KCNJ6: variants seen among roughly 807,000 people sequenced by gnomAD.
KCNJ6 encodes G protein-activated inward rectifier potassium channel 2.
KCNJ6 carries 9 observed loss-of-function variants against 34.2 expected under a neutral mutation model. The observed-to-expected ratio is 0.26, with a 90% CI of 0.16 to 0.46. KCNJ6 has a LOEUF of 0.46. Among genes scored for constraint, KCNJ6 ranks in the 20% least tolerant of loss-of-function variants. The pLI is 1.00. For missense variants in KCNJ6, 236 were observed against 531.3 expected (o/e 0.44, Z 5.46); for synonymous variants, 196 against 207.1 (o/e 0.95, Z 0.46).
intron 3 of KCNJ6, among the ~76,000 whole-genome samples, chr21:37,667,869 C>T (rs1488677126): frequency 6.6e-6 from 1 of 152,054 alleles, no homozygotes; most frequent in African/African-American, 2.4e-5. Context: ...TGCAGTTGGG[C>T]CAGAGCCTAC....
At chr21:37,742,937 C>T (rs2054948408) in intron 2 of KCNJ6, among the ~76,000 whole-genome samples, 1 of 152,234 alleles carries the variant, frequency 6.6e-6, no homozygotes, top group Admixed American at 6.5e-5. Context: ...CTCCTTCCTG[C>T]AGATGTGTGC....
chr21:37,720,694 TTTC>T (rs1395419410), intron 2 of KCNJ6, among the ~76,000 whole-genome samples: 8 of 113,884 alleles, frequency 7.0e-5, no homozygotes, highest in Non-Finnish European at 1.0e-4. Flanking sequence ...GAGAAAACAT[TTTC>T]TTTTCTTTTT....
intron 1 of KCNJ6, among the ~76,000 whole-genome samples, chr21:37,844,202 G>A (rs1033108624): frequency 6.6e-6 from 1 of 152,022 alleles, no homozygotes; most frequent in Non-Finnish European, 1.5e-5. Flanking sequence ...GGGATTACAG[G>A]TGCACACCAA....
At position 37,621,898 on chromosome 21, in the gene KCNJ6, C is replaced by G. The variant is rs1386075277; in HGVS notation, c.*3261G>C. On this transcript the variant is annotated 3_prime_UTR_variant, in exon 4 of 4. Coordinates refer to ENST00000609713, the MANE Select transcript of KCNJ6 (RefSeq NM_002240.5). ...AAAAGAGTATAGCTTACCCAGGGGA[C>G]AGCTAAAACAGAAATGATTTTATTG... The G allele has an allele frequency of 6.6e-6, 1 of 152,142 alleles. No homozygotes were observed. Among genetic ancestry groups the G allele is most frequent in the Non-Finnish European group, 1.5e-5 (1 of 68,032 alleles). The allele number at this position is 152,142 out of a possible 1,614,324, so 9.4% of individuals were successfully genotyped here.
At chr21:37,730,157 T>G (rs1362805866) in intron 2 of KCNJ6, among the ~76,000 whole-genome samples, 2 of 152,032 alleles carry the variant, frequency 1.3e-5, no homozygotes, top group Admixed American at 1.3e-4. Flanking sequence ...GTGTGGAGCT[T>G]GGAGACAGCC....
Position 37,611,856 on chromosome 21 carries a change from C to G in KCNJ6, c.*13303G>C, listed in dbSNP as rs1012984858. On this transcript the variant is annotated 3_prime_UTR_variant, in exon 4 of 4. Coordinates refer to ENST00000609713, the MANE Select transcript of KCNJ6 (RefSeq NM_002240.5). Reference sequence around the variant, plus strand: ...GATAAACAATATCTAAAAAAAAAACCTTACAGCTAACATCATACTAAATGG... The same window carrying G: ...GATAAACAATATCTAAAAAAAAAACGTTACAGCTAACATCATACTAAATGG... The G allele has an allele frequency of 6.6e-6, 1 of 151,842 alleles. No homozygotes were observed. Among genetic ancestry groups the G allele is most frequent in the Non-Finnish European group, 1.5e-5 (1 of 67,912 alleles). The allele number at this position is 151,842 out of a possible 1,614,324, so 9.4% of individuals were successfully genotyped here. A position where few individuals can be genotyped will look rare whatever the true frequency, so the allele number is the denominator to read the frequency against.
chr21:37,854,031 AAAAC>A (rs1398721963), intron 1 of KCNJ6, among the ~76,000 whole-genome samples: 1 of 151,460 alleles, frequency 6.6e-6, no homozygotes, highest in African/African-American at 2.4e-5. Flanking sequence ...AGAGAATCAC[AAAAC>A]AAAAAACAAA....
intron 3 of KCNJ6, among the ~76,000 whole-genome samples, chr21:37,663,516 A>G (rs955555701): frequency 6.6e-6 from 1 of 152,208 alleles, no homozygotes; most frequent in African/African-American, 2.4e-5. Flanking sequence ...CCCCAAACAA[A>G]AGGGCATAGA....
intron 3 of KCNJ6, among the ~76,000 whole-genome samples, chr21:37,697,190 G>A (rs1270759008): frequency 6.6e-6 from 1 of 152,204 alleles, no homozygotes; most frequent in Admixed American, 6.5e-5. Context: ...CTGGAGAAAT[G>A]TCATTGACAT....
chr21:37,903,753 C>T (rs951242855), intron 1 of KCNJ6, among the ~76,000 whole-genome samples: 6 of 150,968 alleles, frequency 4.0e-5, no homozygotes, highest in Non-Finnish European at 7.4e-5. Flanking sequence ...CAAAAAAAAA[C>T]GAAGAAGCAA....
chr21:37,778,958 C>T (rs754072581), intron 2 of KCNJ6, among the ~76,000 whole-genome samples: 2 of 152,086 alleles, frequency 1.3e-5, no homozygotes, highest in Admixed American at 6.6e-5. Flanking sequence ...TCGGAATGCA[C>T]GTGAACGGGC....
At chr21:37,898,636 A>G (rs543128901) in intron 1 of KCNJ6, among the ~76,000 whole-genome samples, 77 of 152,242 alleles carry the variant, frequency 5.1e-4, no homozygotes, top group African/African-American at 1.8e-3. Context: ...GTAATGTGTT[A>G]CTGTTCTATT....
chr21:37,797,952 A>G (rs1319743131), intron 2 of KCNJ6, among the ~76,000 whole-genome samples: 1 of 152,190 alleles, frequency 6.6e-6, no homozygotes, highest in Admixed American at 6.5e-5. Context: ...GGACTTATTA[A>G]CAATCCTCCA....
At chr21:37,689,949 A>AC (rs2054632085) in intron 3 of KCNJ6, among the ~76,000 whole-genome samples, 1 of 151,854 alleles carries the variant, frequency 6.6e-6, no homozygotes, top group African/African-American at 2.4e-5. Flanking sequence ...TCCATTAATG[A>AC]CCCCCACTCC....
intron 1 of KCNJ6, among the ~76,000 whole-genome samples, chr21:37,888,094 A>G (rs1011362387): frequency 6.6e-6 from 1 of 152,220 alleles, no homozygotes; most frequent in African/African-American, 2.4e-5. Context: ...TCTCCATGAC[A>G]GGCCCATGAA....
At chr21:37,703,963 C>A (rs1026307194) in intron 3 of KCNJ6, among the ~76,000 whole-genome samples, 1 of 152,256 alleles carries the variant, frequency 6.6e-6, no homozygotes, top group African/African-American at 2.4e-5. Context: ...TGGAACCCAG[C>A]CCCGCCTTGC....
Position 37,714,357 on chromosome 21 carries a change from C to G in KCNJ6, c.800G>C (p.Gly267Ala). The G allele has an allele frequency of 6.2e-7, 1 of 1,614,120 alleles. No individual in the cohort carries two copies. The highest frequency in any genetic ancestry group is 8.5e-7 in the Non-Finnish European group (1 of 1,179,994). Reference sequence around the variant, plus strand: ...TGACACCAGAAACAGACGGTCATCCCCCGTGTAATACCCTACGTTGATATC... The same window carrying G: ...TGACACCAGAAACAGACGGTCATCCGCCGTGTAATACCCTACGTTGATATC... ...QTDINVGYYT[G>A]DDRLFLVSPL... The change falls in exon 3 of 4, where the codon GGG (glycine) becomes GCG (alanine). Residue 267 changes from glycine to alanine, a missense_variant. By Grantham distance (60) the Gly-to-Ala change is moderately conservative. Transcript: ENST00000609713. The surrounding 1 kb of genome is among the most constrained non-coding windows in gnomAD (Gnocchi z 5.9).
intron 3 of KCNJ6, among the ~76,000 whole-genome samples, chr21:37,700,409 C>T (rs191220312): frequency 9.7e-4 from 147 of 152,324 alleles, no homozygotes; most frequent in African/African-American, 3.4e-3. Context: ...GGGCAAAGGA[C>T]AGGACACCTG....
Position 37,616,590 on chromosome 21 carries a change from C to CATATATATATATATATATATATACATAT in KCNJ6, c.*8568_*8569insATATGTATATATATATATATATATATAT, listed in dbSNP as rs2054267822. Reference sequence around the variant, plus strand: ...AATTATGAAGCAGGAACAAAATGTACATATATATATATATATATATATATA... The same window carrying CATATATATATATATATATATATACATAT: ...AATTATGAAGCAGGAACAAAATGTACATATATATATATATATATATATACATATATATATATATATATATATATATATA... On this transcript the variant is annotated 3_prime_UTR_variant, in exon 4 of 4. Coordinates refer to ENST00000609713, the MANE Select transcript of KCNJ6 (RefSeq NM_002240.5). The CATATATATATATATATATATATACATAT allele has an allele frequency of 8.8e-5, 8 of 90,912 alleles. 1 individual carries two copies. The highest frequency in any genetic ancestry group is 6.5e-4 in the Admixed American group (5 of 7,696). The allele number at this position is 90,912 out of a possible 1,614,324, so 5.6% of individuals were successfully genotyped here.
Sources: allele counts gnomAD v4.1 joint callset (sites outside exome capture counted in the v4.1 genomes callset), GRCh38; gene constraint gnomAD v4.1.1; non-coding constraint Gnocchi (gnomAD v3.1); transcripts MANE v1.5; gene names NCBI Gene and HGNC (gene_info 2026-07-23, HGNC 2026-07-21).